The following STOX1 variants were observed in gnomAD, a reference collection of about 807,000 sequenced individuals.
STOX1 encodes storkhead-box protein 1.
Under a neutral mutation model 74.8 loss-of-function variants are expected in STOX1, and 57 were observed. The observed-to-expected ratio is 0.76, with a 90% CI of 0.62 to 0.95. The LOEUF (loss-of-function observed/expected upper bound fraction) is 0.95, where lower values mean the gene tolerates loss of function less well. Among genes scored for constraint, STOX1 ranks in the 40% least tolerant of loss-of-function variants. The pLI is 0.00. For synonymous variants in STOX1, 375 were observed against 401.3 expected (o/e 0.93, Z 0.78); for missense variants, 1,010 against 1,117.0 (o/e 0.90, Z 1.37).
chr10:68,855,650 A>AC (rs1412101688), intron 1 of STOX1, among the ~76,000 whole-genome samples: 5 of 150,866 alleles, frequency 3.3e-5, no homozygotes, highest in African/African-American at 1.2e-4. Context: ...TCATTATATT[A>AC]CCCAGGCTGG....
intron 1 of STOX1, chr10:68,846,931 T>C (rs536005155): frequency 6.6e-6 from 1 of 152,300 alleles, no homozygotes; most frequent in African/African-American, 2.4e-5. Flanking sequence ...TTATGTTAAA[T>C]CTATAGATTA....
At chr10:68,874,180 A>G (rs2131981832) in intron 1 of STOX1, among the ~76,000 whole-genome samples, 1 of 152,194 alleles carries the variant, frequency 6.6e-6, no homozygotes, top group East Asian at 1.9e-4. Flanking sequence ...GTTTCCCTAT[A>G]AAAACTAAAG....
chr10:68,864,057 T>C (rs989272423), intron 1 of STOX1, among the ~76,000 whole-genome samples: 3 of 152,050 alleles, frequency 2.0e-5, no homozygotes, highest in Non-Finnish European at 1.5e-5. Flanking sequence ...CCCAATTAGC[T>C]GGGACTATAG....
At chr10:68,893,297 C>T (rs905188702), downstream of STOX1, among the ~76,000 whole-genome samples, 5 of 152,162 alleles carry the variant, frequency 3.3e-5, no homozygotes, top group African/African-American at 9.7e-5. Flanking sequence ...TCATTGCTGC[C>T]CAGGGGCTTC....
intron 1 of STOX1, among the ~76,000 whole-genome samples, chr10:68,871,970 C>T (rs892552746): frequency 2.0e-4 from 30 of 152,142 alleles, no homozygotes; most frequent in African/African-American, 6.5e-4. Context: ...TTTAAAATCA[C>T]GAAAGCTTCT....
intron 1 of STOX1, among the ~76,000 whole-genome samples, chr10:68,875,679 C>T (rs937115322): frequency 3.3e-5 from 5 of 152,312 alleles, no homozygotes; most frequent in Middle Eastern, 3.4e-3. Flanking sequence ...TTGATGAGGT[C>T]TTGGGTTGCA....
At chr10:68,875,229 A>G (rs1217808509) in intron 1 of STOX1, among the ~76,000 whole-genome samples, 1 of 152,210 alleles carries the variant, frequency 6.6e-6, no homozygotes, top group Non-Finnish European at 1.5e-5. Context: ...AAATCACTTC[A>G]CTGGGTAGGC....
At chr10:68,890,744 G>A (rs1239681772) in intron 3 of STOX1, among the ~76,000 whole-genome samples, 6 of 148,498 alleles carry the variant, frequency 4.0e-5, no homozygotes, top group Non-Finnish European at 7.4e-5. Context: ...TCTGCCTCCC[G>A]GGTTCAATTG....
At chr10:68,845,435 G>A (rs564411909) in intron 1 of STOX1, among the ~76,000 whole-genome samples, 43 of 151,254 alleles carry the variant, frequency 2.8e-4, no homozygotes, top group East Asian at 2.7e-3. Flanking sequence ...CACCATGCCC[G>A]GCTAATTTTT....
intron 1 of STOX1, among the ~76,000 whole-genome samples, chr10:68,838,928 G>A (rs888553498): frequency 1.3e-5 from 2 of 148,918 alleles, no homozygotes; most frequent in Non-Finnish European, 3.0e-5. Flanking sequence ...AAAAAAAGAA[G>A]TGGCAAGAGT....
intron 1 of STOX1, among the ~76,000 whole-genome samples, chr10:68,876,604 A>G (rs1050590372): frequency 6.6e-6 from 1 of 152,352 alleles, no homozygotes; most frequent in Admixed American, 6.5e-5. Context: ...TTGTGAAACC[A>G]GTCTTTCAGC....
chr10:68,847,430 T>G (rs1252509597), intron 1 of STOX1, among the ~76,000 whole-genome samples: 1 of 151,888 alleles, frequency 6.6e-6, no homozygotes, highest in Non-Finnish European at 1.5e-5. Context: ...TGTTTTGTTT[T>G]TCTCGAGATC....
At chr10:68,860,634 T>C (rs1840244971) in intron 1 of STOX1, among the ~76,000 whole-genome samples, 1 of 150,998 alleles carries the variant, frequency 6.6e-6, no homozygotes, top group South Asian at 2.1e-4. Context: ...TGTTAAGTTA[T>C]GAGGCTGGGA....
At chr10:68,830,794 AT>A (rs1362872173) in intron 1 of STOX1, among the ~76,000 whole-genome samples, 1 of 152,186 alleles carries the variant, frequency 6.6e-6, no homozygotes, top group Non-Finnish European at 1.5e-5. Flanking sequence ...GAGGAGCAAA[AT>A]GGAGAAAGAT....
At chr10:68,888,606 T>C (rs1261157512) in intron 3 of STOX1, among the ~76,000 whole-genome samples, 1 of 151,272 alleles carries the variant, frequency 6.6e-6, no homozygotes, top group African/African-American at 2.4e-5. Context: ...ATTCTAAAAT[T>C]TGGTTCATAT....
At chr10:68,845,764 G>A (rs1311117769) in intron 1 of STOX1, among the ~76,000 whole-genome samples, 1 of 151,462 alleles carries the variant, frequency 6.6e-6, no homozygotes, top group Non-Finnish European at 1.5e-5. Context: ...ACCACGCCTG[G>A]CTAATTTTTG....
At chr10:68,838,303 G>A (rs927585554) in intron 1 of STOX1, among the ~76,000 whole-genome samples, 6 of 152,140 alleles carry the variant, frequency 3.9e-5, no homozygotes, top group Non-Finnish European at 8.8e-5. Context: ...CTGGGCTCGA[G>A]TGATTCTTCC....
chr10:68,856,961 C>T (rs1021075838), intron 1 of STOX1, among the ~76,000 whole-genome samples: 18 of 152,094 alleles, frequency 1.2e-4, no homozygotes, highest in African/African-American at 2.4e-5. Context: ...ATAGATATTG[C>T]TCCAATCCTC....
intron 1 of STOX1, among the ~76,000 whole-genome samples, chr10:68,878,613 C>T (rs946558473): frequency 2.6e-5 from 4 of 152,168 alleles, no homozygotes; most frequent in Admixed American, 2.6e-4. Context: ...CTTCCAAGGC[C>T]AGATAGAGAA....
Sources: gnomAD v4.1 joint callset for allele counts (sites outside exome capture counted in the v4.1 genomes callset) on GRCh38, gnomAD v4.1.1 for gene constraint, MANE v1.5 for transcripts, NCBI Gene and HGNC (gene_info 2026-07-23, HGNC 2026-07-21) for gene names.